Variants in RINT1 observed in about 807,000 individuals in gnomAD.
The protein encoded by RINT1 is RAD50 interactor 1.
In RINT1, 75 loss-of-function variants were observed where a neutral mutation model predicts 97.7. The ratio of observed to expected loss-of-function variants is 0.77; its 90% confidence interval spans 0.64 to 0.93. RINT1 has a LOEUF of 0.93. RINT1 is among the 40% of genes least tolerant of loss of function. The pLI, the probability that RINT1 is intolerant of heterozygous loss-of-function variation, is 0.00. For synonymous variants in RINT1, 303 were observed against 326.3 expected, an observed-to-expected ratio of 0.93 and a Z score of 0.77; for missense variants, 892 against 925.2, an observed-to-expected ratio of 0.96 and a Z score of 0.47.
intron 2 of RINT1, chr7:105,535,699 C>A (rs993559296): frequency 2.4e-5 from 9 of 367,526 alleles, no homozygotes; most frequent in Non-Finnish European, 4.3e-5. Context: ...CAGGTGTGTT[C>A]CACCATTCCT....
chr7:105,563,343 A>C (rs1381545888), intron 11 of RINT1, among the ~76,000 whole-genome samples: 1 of 152,120 alleles, frequency 6.6e-6, no homozygotes, highest in East Asian at 1.9e-4. Context: ...CTGAATATAT[A>C]AAAAAATCAT....
At chr7:105,548,514 G>A (rs1478829623) in intron 6 of RINT1, 40 bp from the exon 7 acceptor site, 17 of 1,602,502 alleles carry the variant, frequency 1.1e-5, no homozygotes, top group Non-Finnish European at 1.5e-5. Flanking sequence ...TGTATATTAG[G>A]TATGCTTTTG....
intron 2 of RINT1, among the ~76,000 whole-genome samples, chr7:105,536,052 G>T (rs946748742): frequency 2.6e-5 from 4 of 152,098 alleles, no homozygotes; most frequent in African/African-American, 9.7e-5. Context: ...ATTCTTCTGG[G>T]CATTTGTCTG....
Position 105,565,356 on chromosome 7 carries a change from C to T in RINT1, c.1966C>T (p.Arg656Ter), listed in dbSNP as rs780062646. 9.3e-6 allele frequency: 15 copies of T among 1,614,168 alleles called. No homozygotes were observed. The highest frequency in any genetic ancestry group is 6.7e-5 in the East Asian group (3 of 44,880). Residue 656 changes from arginine (R) to a stop codon, truncating the protein, a stop_gained, in exon 13 of 15, where the codon CGA becomes TGA. Coordinates refer to ENST00000257700, the MANE Select transcript of RINT1 (RefSeq NM_021930.6). LOFTEE classifies it high-confidence loss of function. The stretch of plus-strand genomic sequence containing the variant: ...GGCTTGCCCGTTGCTGCTGACGTTA[C>T]GAGACCATTTACTTCAGTTGGAGCA... ...SSACPLLLTLRDHLLQLEQQL... is the reference protein window; with the variant it reads ...SSACPLLLTL
intron 3 of RINT1, among the ~76,000 whole-genome samples, chr7:105,537,105 G>T (rs1276893678): frequency 1.3e-5 from 2 of 150,850 alleles, no homozygotes; most frequent in East Asian, 3.9e-4. Context: ...ATATACCATG[G>T]TGTAAACACC....
At chr7:105,533,910 T>C (rs961365629) in intron 2 of RINT1, among the ~76,000 whole-genome samples, 19 of 152,212 alleles carry the variant, frequency 1.2e-4, no homozygotes, top group African/African-American at 4.6e-4. Flanking sequence ...ACCTTGTTCC[T>C]CTTTCCACAG....
At chr7:105,537,916 C>T (rs1252140768) in intron 3 of RINT1, among the ~76,000 whole-genome samples, 6 of 151,840 alleles carry the variant, frequency 4.0e-5, no homozygotes, top group Non-Finnish European at 2.9e-5. Context: ...TTTTTAAAAA[C>T]CCAATGAGTA....
chr7:105,563,415 C>T (rs1000546026), intron 11 of RINT1, among the ~76,000 whole-genome samples: 2 of 152,124 alleles, frequency 1.3e-5, no homozygotes, highest in African/African-American at 2.4e-5. Context: ...GGCTGGAGTG[C>T]AGAGGCATGA....
intron 3 of RINT1, among the ~76,000 whole-genome samples, chr7:105,539,906 T>C (rs1790389505): frequency 6.6e-6 from 1 of 152,222 alleles, no homozygotes; most frequent in South Asian, 2.1e-4. Context: ...GAAGGACGGA[T>C]GCTGTGTCTT....
chr7:105,546,965 C>G lies in RINT1; in HGVS notation c.571C>G (p.Leu191Val), dbSNP rs750981021. Reference protein sequence around the residue: ...TNNVPEAASTLVSMAELDIKL... With the variant: ...TNNVPEAASTVVSMAELDIKL... The stretch of plus-strand genomic sequence containing the variant: ...TAATGTACCGGAGGCAGCCTCCACT[C>G]TAGTGTCTATGGCAGAACTTGACAT... Residue 191 changes from leucine to valine, a missense_variant, in exon 5 of 15, where the codon CTA becomes GTA. By Grantham distance (32) the Leu-to-Val change is conservative. Coordinates refer to ENST00000257700, the MANE Select transcript of RINT1 (RefSeq NM_021930.6). The G allele has an allele frequency of 7.4e-6, 12 of 1,613,892 alleles. No individual in the cohort carries two copies. In the South Asian group the frequency reaches 1.3e-4, roughly 18 times the overall value.
rs1172852025 is a variant in RINT1, at chr7:105,565,266, G to A, written c.1887-11G>A. ...GATGAAAATTTTTTGGTAAAAATGTGTTTTTTCCAGATGGTTGTCCTTGCC... is the reference window on the plus strand; with the variant it reads ...GATGAAAATTTTTTGGTAAAAATGTATTTTTTCCAGATGGTTGTCCTTGCC... On this transcript the variant is annotated splice_polypyrimidine_tract_variant and intron_variant, in intron 12 of 14. Transcript: ENST00000257700. 5 of 1,561,096 alleles carry A rather than the reference G, an allele frequency of 3.2e-6. No individual in the cohort carries two copies. Among genetic ancestry groups the A allele is most frequent in the Non-Finnish European group, 4.3e-6 (5 of 1,154,954 alleles).
In RINT1 at chr7:105,562,927, CA is replaced by C. The variant is rs1175923600; in HGVS notation, c.1672-798del. ...CAAAACAAAAAACAAAAAAACAAAA[CA>C]AAAAAAACTTGTACAAAAATGTTCA... On this transcript the variant is annotated intron_variant, in intron 11 of 14. Coordinates refer to ENST00000257700, the MANE Select transcript of RINT1 (RefSeq NM_021930.6). 4.0e-5 allele frequency among the ~76,000 whole-genome samples: 6 copies of C among 151,642 alleles called. No homozygotes were observed. The East Asian group carries it at 5.8e-4, about 15-fold the overall frequency.
intron 2 of RINT1, chr7:105,535,630 G>A: frequency 2.2e-6 from 1 of 451,026 alleles, no homozygotes; most frequent in Non-Finnish European, 4.4e-6. Flanking sequence ...ATGGCTCACT[G>A]CAGCCTCCAT....
intron 11 of RINT1, among the ~76,000 whole-genome samples, chr7:105,562,331 A>G (rs1388547727): frequency 6.6e-6 from 1 of 152,086 alleles, no homozygotes; most frequent in African/African-American, 2.4e-5. Context: ...GCTCACTGCA[A>G]CCTCTGCCTC....
At chr7:105,541,966 T>C (rs1790475544) in intron 3 of RINT1, 1 of 153,214 alleles carries the variant, frequency 6.5e-6, no homozygotes, top group Non-Finnish European at 1.5e-5. Context: ...AAAGGCATAC[T>C]TCTTCCTGCT....
chr7:105,542,322 G>A (rs1790489913), intron 3 of RINT1, 86 bp from the exon 4 acceptor site: 4 of 1,011,944 alleles, frequency 4.0e-6, no homozygotes, highest in South Asian at 3.2e-5. Context: ...GCAACAGCGT[G>A]AGATCCCCTC....
rs139766063 is a variant in RINT1 at position 105,565,596 on chromosome 7, C to G, written c.2134C>G (p.Leu712Val). 5.0e-6 allele frequency: 8 copies of G among 1,613,962 alleles called. No homozygotes were observed. The African/African-American group carries it at 1.1e-4, about 21-fold the overall frequency. The change falls in exon 14 of 15, where the codon CTT becomes GTT. Residue 712 changes from leucine to valine, a missense_variant. Transcript: ENST00000257700. Reference sequence around the variant, plus strand: ...GCTGCAGTTTGATATGACTCGGAATCTTTTCCCTTTGTTTTCTCACTATTG... The same window carrying G: ...GCTGCAGTTTGATATGACTCGGAATGTTTTCCCTTTGTTTTCTCACTATTG... ...AQLQFDMTRN[L>V]FPLFSHYCKR...
chr7:105,535,410 A>G (rs932273784), intron 2 of RINT1, among the ~76,000 whole-genome samples: 1 of 151,872 alleles, frequency 6.6e-6, no homozygotes, highest in African/African-American at 2.4e-5. Context: ...TTGTATTTTT[A>G]GTAGAGACAG....
chr7:105,555,956 T>G (rs1421363540), intron 11 of RINT1, among the ~76,000 whole-genome samples: 1 of 152,152 alleles, frequency 6.6e-6, no homozygotes, highest in Non-Finnish European at 1.5e-5. Context: ...AGACCCTGTC[T>G]CTACAAAAAA....
Sources: allele counts gnomAD v4.1 joint callset (sites outside exome capture counted in the v4.1 genomes callset), GRCh38; gene constraint gnomAD v4.1.1; transcripts MANE v1.5; gene names NCBI Gene and HGNC (gene_info 2026-07-23, HGNC 2026-07-21).